LRRC3B: variants seen among roughly 807,000 people sequenced by gnomAD.
LRRC3B encodes leucine rich repeat containing 3B, also known as leucine-rich repeat-containing protein 3B.
In LRRC3B, 2 loss-of-function variants were observed where a neutral mutation model predicts 12.8. That is an observed-to-expected ratio of 0.16 (90% CI 0.06 to 0.49). The LOEUF (loss-of-function observed/expected upper bound fraction) is 0.49. Among genes scored for constraint, LRRC3B ranks in the 20% least tolerant of loss-of-function variants. LRRC3B has a pLI of 0.96. For missense variants in LRRC3B, 189 were observed against 319.4 expected (o/e 0.59, Z 3.11); for synonymous variants, 132 against 122.0 (o/e 1.08, Z -0.54).
intron 1 of LRRC3B, among the ~76,000 whole-genome samples, chr3:26,643,912 T>G (rs1427665376): frequency 6.6e-6 from 1 of 152,204 alleles, no homozygotes; most frequent in Non-Finnish European, 1.5e-5. Context: ...CAGCGAATTC[T>G]GCATAGACAC....
In LRRC3B at chr3:26,690,350, T is replaced by C. The variant is rs553323940; in HGVS notation, c.-160-19163T>C. 2.4e-4 allele frequency among the ~76,000 whole-genome samples: 37 copies of C among 152,332 alleles called. 1 individual carries two copies. Among genetic ancestry groups the C allele is most frequent in the Non-Finnish European group, 1.3e-4 (9 of 68,036 alleles). ...TTAGTTTTGCCTGCATGGATTCTAC[T>C]GTCTTTACTTATCTTACCTGCCATT... On this transcript the variant is annotated intron_variant, in intron 1 of 1. Transcript: ENST00000396641.
At chr3:26,699,546 A>G (rs1244319151) in intron 1 of LRRC3B, among the ~76,000 whole-genome samples, 1 of 152,140 alleles carries the variant, frequency 6.6e-6, no homozygotes, top group African/African-American at 2.4e-5. Context: ...TTATTACAGC[A>G]TCTTGTGTAA....
At chr3:26,697,260 T>TGA (rs1174321379) in intron 1 of LRRC3B, among the ~76,000 whole-genome samples, 1 of 152,210 alleles carries the variant, frequency 6.6e-6, no homozygotes, top group African/African-American at 2.4e-5. Context: ...TTTGGGGGTA[T>TGA]GGCCACACTA....
chr3:26,673,564 G>A (rs987255644), intron 1 of LRRC3B, among the ~76,000 whole-genome samples: 4 of 152,184 alleles, frequency 2.6e-5, no homozygotes, highest in African/African-American at 9.7e-5. Context: ...TGTTTTATAC[G>A]TCTTCTTTGC....
intron 1 of LRRC3B, among the ~76,000 whole-genome samples, chr3:26,695,695 C>G (rs554710699): frequency 6.6e-6 from 1 of 152,158 alleles, no homozygotes; most frequent in East Asian, 1.9e-4. Context: ...CATAGTGGAC[C>G]ATTTCTAAGA....
At chr3:26,695,454 G>C (rs977372858) in intron 1 of LRRC3B, among the ~76,000 whole-genome samples, 28 of 152,172 alleles carry the variant, frequency 1.8e-4, no homozygotes, top group Non-Finnish European at 3.7e-4. Flanking sequence ...GTGAAACCGG[G>C]AGGCGGAGCT....
intron 1 of LRRC3B, among the ~76,000 whole-genome samples, chr3:26,650,876 C>G (rs1699251196): frequency 6.6e-6 from 1 of 152,166 alleles, no homozygotes; most frequent in Non-Finnish European, 1.5e-5. Context: ...AGGCATAGCT[C>G]ATGTCTCCAG....
chr3:26,641,334 A>G (rs551109206), intron 1 of LRRC3B, among the ~76,000 whole-genome samples: 1 of 152,296 alleles, frequency 6.6e-6, no homozygotes, highest in Admixed American at 6.5e-5. Context: ...GGGGATGTGG[A>G]AGAGCTGTGG....
chr3:26,645,618 A>C (rs566081719), intron 1 of LRRC3B, among the ~76,000 whole-genome samples: 2 of 152,152 alleles, frequency 1.3e-5, no homozygotes, highest in African/African-American at 4.8e-5. Context: ...AATGCCTACT[A>C]TGCTTCCGGC....
chr3:26,701,389 C>T (rs1291828045), intron 1 of LRRC3B: 5 of 152,278 alleles, frequency 3.3e-5, no homozygotes, highest in South Asian at 2.1e-4. Flanking sequence ...ATACCCTCCC[C>T]CCATGTGGCT....
chr3:26,693,091 G>A (rs1432542382), intron 1 of LRRC3B, among the ~76,000 whole-genome samples: 1 of 152,060 alleles, frequency 6.6e-6, no homozygotes, highest in Non-Finnish European at 1.5e-5. Flanking sequence ...AGCACTTTGG[G>A]AGGCCGAGAC....
chr3:26,709,601 C>A, exon 2 of LRRC3B: 1 of 1,448,418 alleles, frequency 6.9e-7, no homozygotes. Flanking sequence ...ATAGTGTGGA[C>A]AGGGCTGGAA....
intron 1 of LRRC3B, among the ~76,000 whole-genome samples, chr3:26,661,620 C>T (rs1344685657): frequency 6.6e-6 from 1 of 152,108 alleles, no homozygotes; most frequent in African/African-American, 2.4e-5. Context: ...TATAGTTACT[C>T]TAGCCAACTT....
intron 1 of LRRC3B, among the ~76,000 whole-genome samples, chr3:26,659,468 A>G (rs1167478725): frequency 6.6e-6 from 1 of 152,250 alleles, no homozygotes; most frequent in Admixed American, 6.5e-5. Context: ...TTTAAATAAG[A>G]TAATACATAT....
intron 1 of LRRC3B, among the ~76,000 whole-genome samples, chr3:26,659,048 A>G (rs1274049444): frequency 6.6e-6 from 1 of 152,216 alleles, no homozygotes; most frequent in African/African-American, 2.4e-5. Context: ...ACTTAACTTT[A>G]CAAATATATT....
chr3:26,704,335 A>T (rs1225596077), intron 1 of LRRC3B, among the ~76,000 whole-genome samples: 1 of 152,154 alleles, frequency 6.6e-6, no homozygotes, highest in East Asian at 1.9e-4. Flanking sequence ...ACAAGAGTGC[A>T]CCATCAATCC....
intron 1 of LRRC3B, among the ~76,000 whole-genome samples, chr3:26,668,756 C>A (rs546981414): frequency 6.6e-6 from 1 of 152,216 alleles, no homozygotes; most frequent in Non-Finnish European, 1.5e-5. Flanking sequence ...CTCCCTAAAC[C>A]ATTTTAGCCA....
intron 1 of LRRC3B, among the ~76,000 whole-genome samples, chr3:26,698,246 C>G (rs1362409767): frequency 6.6e-6 from 1 of 152,140 alleles, no homozygotes; most frequent in Non-Finnish European, 1.5e-5. Flanking sequence ...TAATCCTCAT[C>G]TCACCCTTGT....
intron 1 of LRRC3B, among the ~76,000 whole-genome samples, chr3:26,665,851 C>T (rs1234694698): frequency 6.6e-6 from 1 of 152,140 alleles, no homozygotes; most frequent in Non-Finnish European, 1.5e-5. Context: ...ACCAGAGTAG[C>T]TCATGTCCTG....
Sources: allele counts gnomAD v4.1 joint callset (sites outside exome capture counted in the v4.1 genomes callset), GRCh38; gene constraint gnomAD v4.1.1; transcripts MANE v1.5; gene names NCBI Gene and HGNC (gene_info 2026-07-23, HGNC 2026-07-21).